STPG2: variants seen among roughly 807,000 people sequenced by gnomAD.
The protein encoded by STPG2 is sperm tail PG-rich repeat containing 2.
Under a neutral mutation model 54.2 loss-of-function variants are expected in STPG2, and 56 were observed. That is an observed-to-expected ratio of 1.03 (90% CI 0.83 to 1.29). The LOEUF (loss-of-function observed/expected upper bound fraction) is 1.29. Among genes scored for constraint, STPG2 ranks in the 50% most tolerant of loss-of-function variants. STPG2 has a pLI of 0.00. For missense variants in STPG2, 596 were observed against 544.9 expected, an observed-to-expected ratio of 1.09 and a Z score of -0.93; for synonymous variants, 200 against 181.8, an observed-to-expected ratio of 1.10 and a Z score of -0.81.
Position 97,520,390 on chromosome 4 carries a change from G to A in STPG2, c.462+192309C>T, listed in dbSNP as rs553472624. ...CACTATAAACTAGCCTTGACCAATC[G>A]CCAAGTCAACAGTATGATAGCTTGT... On this transcript the variant is annotated intron_variant, in intron 4 of 4. Coordinates refer to the STPG2 transcript ENST00000522676. Among the ~76,000 whole-genome samples, 14 of 152,086 alleles carry A rather than the reference G, an allele frequency of 9.2e-5. No individual in the cohort carries two copies. The South Asian group carries it at 2.9e-3, about 32-fold the overall frequency.
chr4:97,653,244 C>T (rs866117869), intron 10 of STPG2, among the ~76,000 whole-genome samples: 2 of 151,886 alleles, frequency 1.3e-5, no homozygotes, highest in African/African-American at 4.8e-5. Context: ...CACGTAGCAG[C>T]ACAGAATGAG....
At chr4:97,814,906 G>C (rs371871740) in intron 9 of STPG2, among the ~76,000 whole-genome samples, 1 of 151,990 alleles carries the variant, frequency 6.6e-6, no homozygotes, top group Non-Finnish European at 1.5e-5. Flanking sequence ...CCCTGTGATC[G>C]TGTGAGTTAA....
intron 5 of STPG2, among the ~76,000 whole-genome samples, chr4:98,047,272 AAGG>A (rs1367269222): frequency 6.6e-6 from 1 of 152,192 alleles, no homozygotes; most frequent in Admixed American, 6.5e-5. Context: ...ATAAACTGAC[AAGG>A]AGAAGCTGGA....
At chr4:98,097,777 A>T (rs190859102) in intron 5 of STPG2, among the ~76,000 whole-genome samples, 56 of 152,318 alleles carry the variant, frequency 3.7e-4, no homozygotes, top group African/African-American at 1.3e-3. Flanking sequence ...GTAAAGTTGC[A>T]GGGTAAAAAT....
At chr4:97,527,912 T>G (rs1360391026) in intron 4 of STPG2, among the ~76,000 whole-genome samples, 6 of 152,184 alleles carry the variant, frequency 3.9e-5, no homozygotes, top group Non-Finnish European at 2.9e-5. Context: ...CTTTGTCAGA[T>G]GGATAGATTT....
chr4:97,620,913 A>T (rs955340203), intron 10 of STPG2, among the ~76,000 whole-genome samples: 1 of 152,154 alleles, frequency 6.6e-6, no homozygotes. Flanking sequence ...TTTAAAAAAA[A>T]CCTAAAATCA....
intron 9 of STPG2, among the ~76,000 whole-genome samples, chr4:97,814,044 AATG>A (rs1463386342): frequency 3.9e-5 from 6 of 152,180 alleles, no homozygotes; most frequent in Admixed American, 1.3e-4. Flanking sequence ...AAATTATTAC[AATG>A]ATAATACACC....
rs1469138146 is a variant in STPG2, at chr4:97,559,095, CCTTT to C, written c.1339_1342del (p.Lys447GlufsTer11). The C allele has an allele frequency of 1.9e-6, 3 of 1,602,674 alleles. No homozygotes were observed. Among genetic ancestry groups the C allele is most frequent in the Admixed American group, 1.7e-5 (1 of 57,834 alleles). Reference sequence around the variant, plus strand: ...AGCAGCCATTTCACCAATGAGATTTCCTTTCTTTTTCTCCTGGGATATCTGTTTA... The same window carrying C: ...AGCAGCCATTTCACCAATGAGATTTCCTTTTTCTCCTGGGATATCTGTTTA... On this transcript the variant is annotated frameshift_variant, in exon 11 of 11. Transcript: ENST00000295268. LOFTEE classifies it high-confidence loss of function.
At chr4:97,927,218 GTAT>G (rs33968929) in intron 8 of STPG2, among the ~76,000 whole-genome samples, 56,506 of 151,624 alleles carry the variant, frequency 0.37, 10,558 homozygotes, top group Middle Eastern at 0.45. Context: ...TCAACTCTAT[GTAT>G]TATAACTGAT....
chr4:98,121,577 G>C (rs933838776), intron 3 of STPG2, among the ~76,000 whole-genome samples: 2 of 152,130 alleles, frequency 1.3e-5, no homozygotes, highest in African/African-American at 4.8e-5. Context: ...GCAGAGGTTT[G>C]TAGTTCTACT....
chr4:97,933,920 T>A (rs1732646689), intron 8 of STPG2, among the ~76,000 whole-genome samples: 1 of 152,216 alleles, frequency 6.6e-6, no homozygotes, highest in African/African-American at 2.4e-5. Flanking sequence ...GGTAGTTTGA[T>A]GGGAATAGCA....
At chr4:98,098,305 G>GA (rs1381264929) in intron 5 of STPG2, among the ~76,000 whole-genome samples, 6 of 151,654 alleles carry the variant, frequency 4.0e-5, no homozygotes, top group Middle Eastern at 3.4e-3. Flanking sequence ...AGAGAACCCG[G>GA]AAAAAAAACC....
chr4:97,943,743 T>C (rs1275962508), intron 8 of STPG2, among the ~76,000 whole-genome samples, 154 bp downstream of exon 8: 2 of 152,202 alleles, frequency 1.3e-5, no homozygotes, highest in South Asian at 2.1e-4. Context: ...AAGAATTTTG[T>C]TGAACTTTAA....
At chr4:97,486,815 GT>G (rs1730371337) in intron 4 of STPG2, among the ~76,000 whole-genome samples, 2 of 130,970 alleles carry the variant, frequency 1.5e-5, no homozygotes, top group South Asian at 5.2e-4. Flanking sequence ...GTGTGTGTGT[GT>G]GTGTGTGTGT....
At chr4:98,007,585 T>A (rs954752470) in intron 5 of STPG2, among the ~76,000 whole-genome samples, 8 of 152,106 alleles carry the variant, frequency 5.3e-5, no homozygotes, top group Non-Finnish European at 8.8e-5. Context: ...AGGATTACAC[T>A]AACTCTCTAG....
intron 8 of STPG2, among the ~76,000 whole-genome samples, chr4:97,895,310 G>C (rs1730916991): frequency 1.3e-5 from 2 of 151,808 alleles, no homozygotes; most frequent in African/African-American, 4.8e-5. Flanking sequence ...AACGTAAAGA[G>C]TAAGAAATTA....
intron 5 of STPG2, among the ~76,000 whole-genome samples, chr4:98,086,245 T>C (rs1738499774): frequency 1.3e-5 from 2 of 152,054 alleles, no homozygotes; most frequent in South Asian, 2.1e-4. Context: ...TAATCCTCAT[T>C]TCACAGAAGA....
chr4:98,004,037 G>A (rs1164582513), intron 5 of STPG2, among the ~76,000 whole-genome samples: 1 of 119,534 alleles, frequency 8.4e-6, no homozygotes. Flanking sequence ...ACAATTAAGA[G>A]CTACTCTTTT....
chr4:97,519,368 A>G (rs1363211416), intron 4 of STPG2, among the ~76,000 whole-genome samples: 1 of 152,036 alleles, frequency 6.6e-6, no homozygotes, highest in Non-Finnish European at 1.5e-5. Context: ...ATCAAGGTCT[A>G]GAAAGTTCCC....
Sources: gnomAD v4.1 joint callset for allele counts (sites outside exome capture counted in the v4.1 genomes callset) on GRCh38, gnomAD v4.1.1 for gene constraint, MANE v1.5 for transcripts, NCBI Gene and HGNC (gene_info 2026-07-23, HGNC 2026-07-21) for gene names.